Variants in ANKS1B observed in about 807,000 individuals in gnomAD.
ANKS1B encodes ankyrin repeat and sterile alpha motif domain containing 1B.
ANKS1B carries 36 observed loss-of-function variants against 148.3 expected under a neutral mutation model. The observed-to-expected ratio is 0.24, with a 90% confidence interval of 0.19 to 0.32. The LOEUF (loss-of-function observed/expected upper bound fraction) is 0.32, where lower values mean the gene tolerates loss of function less well. Ranked by LOEUF, ANKS1B falls within the 10% of genes least tolerant of loss-of-function variation. The probability of loss-of-function intolerance (pLI) is 1.00; values close to 1 mark genes in which losing one functional copy is unlikely to be tolerated. For missense variants in ANKS1B, 1,157 were observed against 1,542.6 expected (o/e 0.75, Z 4.19); for synonymous variants, 542 against 560.8 (o/e 0.97, Z 0.47).
At chr12:99,326,721 T>A (rs1319068118) in intron 12 of ANKS1B, among the ~76,000 whole-genome samples, 6 of 151,580 alleles carry the variant, frequency 4.0e-5, no homozygotes, top group Admixed American at 2.6e-4. Context: ...ATTTTTTTTT[T>A]ACAAACTTTT....
chr12:98,789,018 G>T (rs1301718339), intron 22 of ANKS1B, among the ~76,000 whole-genome samples: 1 of 152,196 alleles, frequency 6.6e-6, no homozygotes, highest in Non-Finnish European at 1.5e-5. Flanking sequence ...AAAGAGTTCA[G>T]TTCATAATGA....
At chr12:98,909,303 A>C (rs1376674841) in intron 17 of ANKS1B, among the ~76,000 whole-genome samples, 1 of 152,224 alleles carries the variant, frequency 6.6e-6, no homozygotes, top group Non-Finnish European at 1.5e-5. Flanking sequence ...GCAACTACTA[A>C]ATGAAGGAGA....
intron 1 of ANKS1B, among the ~76,000 whole-genome samples, chr12:99,979,217 G>C (rs1282496358): frequency 2.6e-5 from 4 of 151,964 alleles, no homozygotes; most frequent in African/African-American, 9.7e-5. Context: ...GGATGAAAGG[G>C]GGTAGTAAGA....
chr12:99,664,760 CAT>C (rs1294793483), intron 8 of ANKS1B, among the ~76,000 whole-genome samples: 1 of 152,150 alleles, frequency 6.6e-6, no homozygotes, highest in African/African-American at 2.4e-5. Flanking sequence ...AATATAGTAG[CAT>C]ATACACTTTA....
At chr12:99,778,364 C>G (rs951628576) in intron 6 of ANKS1B, among the ~76,000 whole-genome samples, 1 of 151,612 alleles carries the variant, frequency 6.6e-6, no homozygotes, top group Admixed American at 6.6e-5. Flanking sequence ...AAAAAGTAGC[C>G]AGACATGGCG....
intron 22 of ANKS1B, among the ~76,000 whole-genome samples, chr12:98,795,952 T>A (rs996178322): frequency 6.6e-6 from 1 of 152,204 alleles, no homozygotes; most frequent in East Asian, 1.9e-4. Flanking sequence ...CAGGGCAGGG[T>A]GTACAGCTCT....
chr12:98,787,110 C>A (rs2098802444), intron 22 of ANKS1B, among the ~76,000 whole-genome samples: 1 of 152,106 alleles, frequency 6.6e-6, no homozygotes, highest in Non-Finnish European at 1.5e-5. Context: ...TGTTTGGTAG[C>A]CCTAAGTGAC....
At chr12:98,761,395 T>G (rs2098402850) in intron 25 of ANKS1B, among the ~76,000 whole-genome samples, 1 of 152,238 alleles carries the variant, frequency 6.6e-6, no homozygotes, top group Non-Finnish European at 1.5e-5. Context: ...AGGGGTATAC[T>G]TTTCTTTCAA....
intron 8 of ANKS1B, among the ~76,000 whole-genome samples, chr12:99,681,841 T>C (rs2098620281): frequency 6.6e-6 from 1 of 151,782 alleles, no homozygotes; most frequent in South Asian, 2.1e-4. Flanking sequence ...CAAGAAGAAA[T>C]CTCTCAATTG....
chr12:99,691,888 T>C (rs10778005), intron 8 of ANKS1B, among the ~76,000 whole-genome samples: 26,602 of 152,110 alleles, frequency 0.17, 3,339 homozygotes, highest in East Asian at 0.46. Context: ...TTTTAAATCA[T>C]GAAGTGTGTA....
At chr12:98,794,495 A>G in intron 22 of ANKS1B, 2 of 543,870 alleles carry the variant, frequency 3.7e-6, no homozygotes, top group South Asian at 3.9e-5. Flanking sequence ...ATGTGTATCA[A>G]GAAGTGTTAT....
chr12:99,407,862 A>G (rs1026423275), intron 11 of ANKS1B, among the ~76,000 whole-genome samples: 2 of 146,216 alleles, frequency 1.4e-5, no homozygotes, highest in Non-Finnish European at 3.0e-5. Flanking sequence ...ATATAAGAAA[A>G]TGAAAAGATA....
chr12:99,718,167 T>A (rs1274879218), intron 8 of ANKS1B, among the ~76,000 whole-genome samples: 1 of 152,252 alleles, frequency 6.6e-6, no homozygotes, highest in East Asian at 1.9e-4. Flanking sequence ...CCCAAAGTGC[T>A]GGGATTACAG....
rs1432033935 is a variant in ANKS1B at position 99,307,962 on chromosome 12, C to T, written c.1757-61098G>A. Among the ~76,000 whole-genome samples the T allele has an allele frequency of 3.9e-5, 6 of 151,992 alleles. No homozygotes were observed. In the South Asian group the frequency reaches 6.2e-4, roughly 16 times the overall value. ...TAGTCTTTTCTATGGAGGACTCCCT[C>T]GACTAATAGTTCAAACAACACAACA... is the stretch of plus-strand genomic sequence containing the variant. On this transcript the variant is annotated intron_variant, in intron 12 of 26. Coordinates refer to ENST00000683438, the MANE Select transcript of ANKS1B (RefSeq NM_001352186.2).
intron 1 of ANKS1B, among the ~76,000 whole-genome samples, chr12:99,907,597 C>T (rs1251479450): frequency 2.0e-5 from 3 of 152,032 alleles, no homozygotes; most frequent in African/African-American, 7.2e-5. Context: ...ATCTTCATAA[C>T]CGTCAGCAGG....
At chr12:99,871,489 G>T (rs1454504590) in intron 1 of ANKS1B, among the ~76,000 whole-genome samples, 1 of 152,066 alleles carries the variant, frequency 6.6e-6, no homozygotes, top group Non-Finnish European at 1.5e-5. Flanking sequence ...TGAATCTGTA[G>T]ACTGCTTTGG....
chr12:99,175,071 G>A (rs1326021501), intron 14 of ANKS1B, among the ~76,000 whole-genome samples: 1 of 152,036 alleles, frequency 6.6e-6, no homozygotes, highest in East Asian at 1.9e-4. Context: ...GCTGATGTTG[G>A]ATATAAGAAC....
chr12:99,446,239 T>G (rs1351842553), intron 10 of ANKS1B, among the ~76,000 whole-genome samples: 1 of 151,782 alleles, frequency 6.6e-6, no homozygotes, highest in Non-Finnish European at 1.5e-5. Flanking sequence ...GGCATGAAGG[T>G]AGGAAGAGCA....
intron 17 of ANKS1B, among the ~76,000 whole-genome samples, chr12:98,852,638 T>C (rs910703193): frequency 3.9e-5 from 6 of 152,168 alleles, no homozygotes; most frequent in East Asian, 1.9e-4. Flanking sequence ...GAGTTTGATA[T>C]TGTTATCCCT....
Sources: allele counts gnomAD v4.1 joint callset (sites outside exome capture counted in the v4.1 genomes callset), GRCh38; gene constraint gnomAD v4.1.1; transcripts MANE v1.5; gene names NCBI Gene and HGNC (gene_info 2026-07-23, HGNC 2026-07-21).